Variants in ABHD5 observed in about 807,000 individuals in gnomAD.
ABHD5 encodes 1-acylglycerol-3-phosphate O-acyltransferase ABHD5.
In ABHD5, 30 loss-of-function variants were observed where a neutral mutation model predicts 44.9. That is an observed-to-expected ratio of 0.67 (90% CI 0.50 to 0.91). ABHD5 has a LOEUF of 0.91. Among genes scored for constraint, ABHD5 ranks in the 40% least tolerant of loss-of-function variants. The pLI is 0.00. For synonymous variants in ABHD5, 167 were observed against 147.0 expected (o/e 1.14, Z -0.99); for missense variants, 399 against 423.4 (o/e 0.94, Z 0.50).
At position 43,691,004 on chromosome 3, in the gene ABHD5, G is replaced by A. The variant is rs141365045; in HGVS notation, c.12G>A (p.Glu4=). Residue 4 remains glutamate, a synonymous_variant, in exon 1 of 7, where the codon GAG becomes GAA. Transcript: ENST00000644371. MAA[E]EEEVDSADTG... ...GCGCGGCGGCGGCTATGGCGGCGGA[G>A]GAGGAGGAGGTGGACTCTGCCGACA... The A allele has an allele frequency of 0.028, 43,400 of 1,569,968 alleles. 897 individuals are homozygous for A. Among genetic ancestry groups the A allele is most frequent in the South Asian group, 0.09 (7,826 of 86,592 alleles).
Position 43,715,091 on chromosome 3 carries a change from G to C in ABHD5, c.773+33G>C, listed in dbSNP as rs745814354. 4.9e-6 allele frequency: 5 copies of C among 1,014,262 alleles called. No individual in the cohort carries two copies. In the African/African-American group the frequency reaches 8.5e-5, roughly 17 times the overall value. 62.8% of individuals were successfully genotyped at this position (1,014,262 alleles called of 1,614,324 possible). ...TTAGGATTCTCAATTCACTCTGTGT[G>C]TGTGTGTGTGTGTGTGTGTGTGTGT... On this transcript the variant is annotated intron_variant, in intron 5 of 6. Coordinates refer to ENST00000644371, the MANE Select transcript of ABHD5 (RefSeq NM_016006.6).
chr3:43,693,732 C>G (rs1247381217), intron 1 of ABHD5, among the ~76,000 whole-genome samples: 1 of 139,276 alleles, frequency 7.2e-6, no homozygotes, highest in Non-Finnish European at 1.5e-5. Flanking sequence ...CCAACAATAA[C>G]TTTTATTAGT....
intron 3 of ABHD5, among the ~76,000 whole-genome samples, chr3:43,704,094 G>A (rs1421887013): frequency 7.5e-6 from 1 of 133,898 alleles, no homozygotes; most frequent in Non-Finnish European, 1.5e-5. Context: ...CTGGAGTGCA[G>A]TGGCGCGGTA....
Position 43,715,034 on chromosome 3 carries a change from A to C in ABHD5, c.749A>C (p.Tyr250Ser), listed in dbSNP as rs2084744446. ...GACGATACTGTGACAGAATACATCT[A>C]CCACTGTAATGTGCAGACTCCAAGG... is the stretch of plus-strand genomic sequence containing the variant. ...FEDDTVTEYI[Y>S]HCNVQTPSGE... The change falls in exon 5 of 7, where the codon TAC becomes TCC. Residue 250 changes from tyrosine to serine, a missense_variant. Coordinates refer to ENST00000644371, the MANE Select transcript of ABHD5 (RefSeq NM_016006.6). 6.2e-7 allele frequency: 1 copy of C among 1,611,398 alleles called. No homozygotes were observed.
intron 4 of ABHD5, among the ~76,000 whole-genome samples, chr3:43,713,322 C>CAA (rs78532050): frequency 0.011 from 520 of 46,716 alleles, 2 homozygotes; most frequent in African/African-American, 0.022. Context: ...GACCCTGTCT[C>CAA]AAAAAAAAAA....
chr3:43,701,203 A>G (rs1410632134), intron 2 of ABHD5, among the ~76,000 whole-genome samples: 1 of 152,224 alleles, frequency 6.6e-6, no homozygotes, highest in African/African-American at 2.4e-5. Context: ...AAAATGCTGA[A>G]GTGGTTTGGC....
intron 1 of ABHD5, among the ~76,000 whole-genome samples, chr3:43,693,981 T>G (rs1039232957): frequency 6.6e-6 from 1 of 152,094 alleles, no homozygotes; most frequent in African/African-American, 2.4e-5. Flanking sequence ...GATCTTATTT[T>G]TACCTTCCTG....
intron 1 of ABHD5, among the ~76,000 whole-genome samples, chr3:43,696,877 A>G (rs2084480001): frequency 6.6e-6 from 1 of 152,150 alleles, no homozygotes. Context: ...TGTTAAATAT[A>G]TATTTTTCTG....
rs369657976 is a variant in ABHD5 at position 43,691,024 on chromosome 3, C to T, written c.32C>T (p.Ala11Val). ...GCGGAGGAGGAGGAGGTGGACTCTG[C>T]CGACACCGGAGAGAGGTAAGCGCAG... MAAEEEEVDS[A>V]DTGERSGWLT... The change falls in exon 1 of 7, where the codon GCC becomes GTC. Residue 11 changes from alanine (A) to valine (V), a missense_variant. Ala to Val is a moderately conservative substitution (Grantham distance 64). Transcript: ENST00000644371. The T allele has an allele frequency of 1.9e-6, 3 of 1,562,492 alleles. No homozygotes were observed. The highest frequency in any genetic ancestry group is 1.8e-5 in the Admixed American group (1 of 54,114).
At chr3:43,695,352 T>G (rs2149591651) in intron 1 of ABHD5, among the ~76,000 whole-genome samples, 1 of 152,312 alleles carries the variant, frequency 6.6e-6, no homozygotes, top group East Asian at 1.9e-4. Context: ...CATTTGGATA[T>G]TTATAATAAA....
downstream of ABHD5, among the ~76,000 whole-genome samples, chr3:43,724,485 C>T (rs1176102779): frequency 1.3e-5 from 2 of 152,126 alleles, no homozygotes; most frequent in Non-Finnish European, 2.9e-5. Context: ...ACAGATACTC[C>T]AGCTTCAATA....
At chr3:43,709,901 G>T (rs567698088) in intron 3 of ABHD5, among the ~76,000 whole-genome samples, 1 of 152,236 alleles carries the variant, frequency 6.6e-6, no homozygotes, top group South Asian at 2.1e-4. Flanking sequence ...AAATTAGCCA[G>T]GCGTGGTAGT....
chr3:43,710,901 G>C lies in ABHD5; in HGVS notation c.507-808G>C, dbSNP rs975912306. Among the ~76,000 whole-genome samples, 8 of 152,140 alleles carry C rather than the reference G, an allele frequency of 5.3e-5. No homozygotes were observed. In the South Asian group the frequency reaches 8.3e-4, roughly 16 times the overall value. Reference sequence around the variant, plus strand: ...GATGCAGCTATGTGGAAGTACTGCTGATAGTTCTGGTTTTCCTTCATTGGG... The same window carrying C: ...GATGCAGCTATGTGGAAGTACTGCTCATAGTTCTGGTTTTCCTTCATTGGG... On this transcript the variant is annotated intron_variant, in intron 3 of 6. Coordinates refer to ENST00000644371, the MANE Select transcript of ABHD5 (RefSeq NM_016006.6).
In ABHD5 at chr3:43,715,107, GTGTGTGTGTGTGTT is replaced by G. The variant is rs769015875; in HGVS notation, c.773+59_773+72del. 2.1e-5 allele frequency: 25 copies of G among 1,192,896 alleles called. No homozygotes were observed. In the East Asian group the frequency reaches 5.4e-4, roughly 26 times the overall value. The allele number at this position is 1,192,896 out of a possible 1,614,324, so 73.9% of individuals were successfully genotyped here. ...ACTCTGTGTGTGTGTGTGTGTGTGTGTGTGTGTGTGTGTTTGTGTGTGTTTTAGACTATTTTTTT... is the reference window on the plus strand; with the variant it reads ...ACTCTGTGTGTGTGTGTGTGTGTGTGTGTGTGTGTTTTAGACTATTTTTTT... On this transcript the variant is annotated intron_variant, in intron 5 of 6. Transcript: ENST00000644371.
In ABHD5 at chr3:43,691,001, G is replaced by A; in HGVS notation, c.9G>A (p.Ala3=). 3 of 1,565,856 alleles carry A rather than the reference G, an allele frequency of 1.9e-6. No individual in the cohort carries two copies. Among genetic ancestry groups the A allele is most frequent in the East Asian group, 5.1e-5 (2 of 39,478 alleles). MA[A]EEEEVDSADT... ...CTTGCGCGGCGGCGGCTATGGCGGC[G>A]GAGGAGGAGGAGGTGGACTCTGCCG... The change falls in exon 1 of 7, where the codon GCG becomes GCA. Residue 3 remains alanine (A), a synonymous_variant. Transcript: ENST00000644371.
chr3:43,728,241 A>G (rs951119334), intron 7 of ABHD5, among the ~76,000 whole-genome samples: 8 of 152,350 alleles, frequency 5.3e-5, no homozygotes, highest in South Asian at 2.1e-4. Context: ...CAAAAGCAAC[A>G]TGGCAAAATT....
At chr3:43,691,078 G>T in intron 1 of ABHD5, 39 bp downstream of exon 1, 1 of 1,512,924 alleles carries the variant, frequency 6.6e-7, no homozygotes. Flanking sequence ...TGTCTCCGGC[G>T]CGCACCCTCC....
At chr3:43,704,101 G>C (rs372527070) in intron 3 of ABHD5, among the ~76,000 whole-genome samples, 1 of 148,546 alleles carries the variant, frequency 6.7e-6, no homozygotes, top group Non-Finnish European at 1.5e-5. Flanking sequence ...GCAGTGGCGC[G>C]GTATCTCGGC....
intron 4 of ABHD5, among the ~76,000 whole-genome samples, chr3:43,712,210 G>A (rs1463422677): frequency 6.6e-6 from 1 of 152,128 alleles, no homozygotes; most frequent in African/African-American, 2.4e-5. Flanking sequence ...CCTGGGAGAA[G>A]TGTAGCATGT....
Sources: gnomAD v4.1 joint callset for allele counts (sites outside exome capture counted in the v4.1 genomes callset) on GRCh38, gnomAD v4.1.1 for gene constraint, MANE v1.5 for transcripts, NCBI Gene and HGNC (gene_info 2026-07-23, HGNC 2026-07-21) for gene names.